TSBP1: variants seen among roughly 807,000 people sequenced by gnomAD.
TSBP1 encodes the protein testis-expressed basic protein 1.
Under a neutral mutation model 68.8 loss-of-function variants are expected in TSBP1, and 56 were observed. The observed-to-expected ratio is 0.81, with a 90% CI of 0.66 to 1.02. The LOEUF is 1.02. Among genes scored for constraint, TSBP1 ranks in the 50% least tolerant of loss-of-function variants. The pLI is 0.00. For synonymous variants in TSBP1, 171 were observed against 208.7 expected (o/e 0.82, Z 1.56); for missense variants, 502 against 641.2 (o/e 0.78, Z 2.34).
At chr6:32,305,293 T>C (rs1484297956) in intron 19 of TSBP1, among the ~76,000 whole-genome samples, 1 of 152,144 alleles carries the variant, frequency 6.6e-6, no homozygotes, top group Non-Finnish European at 1.5e-5. Flanking sequence ...AAGATAAGGG[T>C]AATCACTCCA....
At chr6:32,370,077 C>CA in intron 1 of TSBP1, 94 bp from the exon 2 acceptor site, 4 of 749,860 alleles carry the variant, frequency 5.3e-6, no homozygotes, top group Non-Finnish European at 9.5e-6. Context: ...ACCAGATAGA[C>CA]TTTTTTTCTT....
In TSBP1 at chr6:32,361,042, G is replaced by A. The variant is rs897118999; in HGVS notation, c.217+5125C>T. Among the ~76,000 whole-genome samples the A allele has an allele frequency of 2.0e-5, 3 of 151,720 alleles. No individual in the cohort carries two copies. Among genetic ancestry groups the A allele is most frequent in the Non-Finnish European group, 2.9e-5 (2 of 67,940 alleles). Reference sequence around the variant, plus strand: ...TATCCCTCCCTGCTTCCCCCACCCCGCAACAGGCCCCAGTGTGTGATGTTC... The same window carrying A: ...TATCCCTCCCTGCTTCCCCCACCCCACAACAGGCCCCAGTGTGTGATGTTC... On this transcript the variant is annotated intron_variant, in intron 6 of 22. Coordinates refer to ENST00000612031, the Ensembl canonical transcript of TSBP1. This position sits in a 1 kb window ranked among gnomAD's most constrained non-coding sequence, Gnocchi z 4.3.
chr6:32,336,664 T>A lies in TSBP1; in HGVS notation c.410-29A>T. 6.2e-7 allele frequency: 1 copy of A among 1,605,608 alleles called. No individual in the cohort carries two copies. The highest frequency in any genetic ancestry group is 1.1e-5 in the South Asian group (1 of 90,900). On this transcript the variant is annotated intron_variant, in intron 11 of 22. Coordinates refer to ENST00000612031, the Ensembl canonical transcript of TSBP1. The surrounding 1 kb of genome is among the most constrained non-coding windows in gnomAD (Gnocchi z 5.2). ...AAATACAAAAAGGAGGAAAGTGTGG[T>A]TTGACATTAATAGAATTTTCATTTT...
chr6:32,296,102 C>T lies in TSBP1; in HGVS notation c.638-2067G>A, dbSNP rs139612274. Among the ~76,000 whole-genome samples, 493 of 152,040 alleles carry T rather than the reference C, an allele frequency of 3.2e-3. 16 individuals carry two copies. In the East Asian group the frequency reaches 0.069, roughly 21 times the overall value. Reference sequence around the variant, plus strand: ...CAGGTGATCCACCTGCCTCGGCCTCCCAAAGTGCTGGGATTACAGGCGTGA... The same window carrying T: ...CAGGTGATCCACCTGCCTCGGCCTCTCAAAGTGCTGGGATTACAGGCGTGA... On this transcript the variant is annotated intron_variant, in intron 22 of 22. Coordinates refer to ENST00000612031, the Ensembl canonical transcript of TSBP1.
At chr6:32,299,296 C>T (rs557514073) in intron 22 of TSBP1, among the ~76,000 whole-genome samples, 11 of 152,306 alleles carry the variant, frequency 7.2e-5, no homozygotes, top group Non-Finnish European at 1.2e-4. Context: ...GTGCCTAGCA[C>T]AGTGCACAAA....
At chr6:32,364,960 C>T (rs1773496057) in intron 6 of TSBP1, among the ~76,000 whole-genome samples, 1 of 151,996 alleles carries the variant, frequency 6.6e-6, no homozygotes, top group Admixed American at 6.6e-5. Context: ...GTGGCATGAT[C>T]GTGGCTCACT....
chr6:32,347,697 A>G (rs1455944492), intron 9 of TSBP1, among the ~76,000 whole-genome samples: 1 of 152,140 alleles, frequency 6.6e-6, no homozygotes, highest in Non-Finnish European at 1.5e-5. Flanking sequence ...ATTGTTCTCC[A>G]TATTTTATTC....
Position 32,315,072 on chromosome 6 carries a change from A to C in TSBP1, c.580+700T>G, listed in dbSNP as rs1390283912. On this transcript the variant is annotated intron_variant, in intron 19 of 22. Transcript: ENST00000612031. This position sits in a 1 kb window ranked among gnomAD's most constrained non-coding sequence, Gnocchi z 5.4. Reference sequence around the variant, plus strand: ...ATGTGATTTAATTTCAGGATGAGGAATCTCAGCTGATATTGGGTTTGCTTA... The same window carrying C: ...ATGTGATTTAATTTCAGGATGAGGACTCTCAGCTGATATTGGGTTTGCTTA... Among the ~76,000 whole-genome samples, 1 of 152,204 alleles carries C rather than the reference A, an allele frequency of 6.6e-6. No homozygotes were observed. The highest frequency in any genetic ancestry group is 1.5e-5 in the Non-Finnish European group (1 of 68,034).
At chr6:32,300,078 G>A in intron 21 of TSBP1, 142 bp from the exon 25 acceptor site, 1 of 673,356 alleles carries the variant, frequency 1.5e-6, no homozygotes, top group Non-Finnish European at 2.7e-6. Flanking sequence ...CAGGAGTGTT[G>A]CTGGCCAATG....
At chr6:32,350,109 T>C in intron 8 of TSBP1, 1 of 584,948 alleles carries the variant, frequency 1.7e-6, no homozygotes, top group Non-Finnish European at 3.2e-6. Context: ...TCTTTCCTTC[T>C]CTACCTTTCC....
At chr6:32,293,245 A>C in exon 23 of TSBP1, 4 of 1,610,164 alleles carry the variant, frequency 2.5e-6, no homozygotes, top group South Asian at 1.1e-5. Flanking sequence ...CACCTGACTC[A>C]CTCTTCTTTA....
rs1474813815 is a variant in TSBP1, at chr6:32,315,832, A to C, written c.560-40T>G. The C allele has an allele frequency of 1.4e-5, 19 of 1,312,206 alleles. No homozygotes were observed. The highest frequency in any genetic ancestry group is 5.3e-6 in the Non-Finnish European group (5 of 949,602). The allele number at this position is 1,312,206 out of a possible 1,614,324, so 81.3% of individuals were successfully genotyped here. On this transcript the variant is annotated intron_variant, in intron 18 of 22. Transcript: ENST00000612031. This position sits in a 1 kb window ranked among gnomAD's most constrained non-coding sequence, Gnocchi z 5.4. Reference sequence around the variant, plus strand: ...AAAAGAAATCCATTTAATTTTTCTCAAATGGAGAAAACATAGCATTATCTA... The same window carrying C: ...AAAAGAAATCCATTTAATTTTTCTCCAATGGAGAAAACATAGCATTATCTA...
Position 32,315,922 on chromosome 6 carries a change from A to G in TSBP1, c.560-130T>C, listed in dbSNP as rs9268218. The stretch of plus-strand genomic sequence containing the variant: ...GGCAAAGAAGGAAGCATTCCAAACC[A>G]CCCTATAGATTAGTTTTAGATTAGT... On this transcript the variant is annotated intron_variant, in intron 18 of 22. Transcript: ENST00000612031. This position sits in a 1 kb window ranked among gnomAD's most constrained non-coding sequence, Gnocchi z 5.4. The G allele has an allele frequency of 0.21, 118,297 of 566,712 alleles. 13,464 individuals are homozygous for G. Among genetic ancestry groups the G allele is most frequent in the East Asian group, 0.22 (7,699 of 35,580 alleles). The allele number at this position is 566,712 out of a possible 1,614,324, so 35.1% of individuals were successfully genotyped here.
intron 19 of TSBP1, among the ~76,000 whole-genome samples, chr6:32,305,927 A>C (rs1765740252): frequency 6.6e-6 from 1 of 152,236 alleles, no homozygotes; most frequent in African/African-American, 2.4e-5. Flanking sequence ...GAACTGGCTC[A>C]CTTAATAAGA....
At chr6:32,367,251 GAGAGAGAGAGAGAA>G (rs1773851053) in intron 4 of TSBP1, among the ~76,000 whole-genome samples, 1 of 151,554 alleles carries the variant, frequency 6.6e-6, no homozygotes, top group Non-Finnish European at 1.5e-5. Flanking sequence ...GAAAGAGAGA[GAGAGAGAGAGAGAA>G]AGAGAGAGAG....
Position 32,299,943 on chromosome 6 carries a change from A to T in TSBP1, c.623-7T>A, listed in dbSNP as rs1582968234. 6.2e-7 allele frequency: 1 copy of T among 1,608,012 alleles called. No homozygotes were observed. Among genetic ancestry groups the T allele is most frequent in the Non-Finnish European group, 8.5e-7 (1 of 1,174,740 alleles). On this transcript the variant is annotated splice_polypyrimidine_tract_variant and splice_region_variant and intron_variant, in intron 21 of 22. Coordinates refer to ENST00000612031, the Ensembl canonical transcript of TSBP1. ...TTACCCACAGGAGTCAGTGCTAAAAACAAAACACAAAAGAAAGATCAGTGA... is the reference window on the plus strand; with the variant it reads ...TTACCCACAGGAGTCAGTGCTAAAATCAAAACACAAAAGAAAGATCAGTGA...
intron 22 of TSBP1, among the ~76,000 whole-genome samples, chr6:32,297,169 A>G (rs1214660316): frequency 6.6e-6 from 1 of 152,180 alleles, no homozygotes; most frequent in Non-Finnish European, 1.5e-5. Flanking sequence ...AGATTTCAAG[A>G]TAGTTCATAC....
exon 8 of TSBP1, chr6:32,355,141 G>A (rs1772145658): frequency 6.2e-7 from 1 of 1,611,852 alleles, no homozygotes; most frequent in Non-Finnish European, 8.5e-7. Flanking sequence ...GTTGGTTGAT[G>A]GTGCTAAAAT....
intron 6 of TSBP1, among the ~76,000 whole-genome samples, chr6:32,360,039 C>A (rs1381424703): frequency 2.0e-5 from 3 of 151,920 alleles, no homozygotes; most frequent in Non-Finnish European, 4.4e-5. Context: ...TTCTATTTTT[C>A]ATTTTGTGAT....
Sources: gnomAD v4.1 joint callset for allele counts (sites outside exome capture counted in the v4.1 genomes callset) on GRCh38, gnomAD v4.1.1 for gene constraint, Gnocchi (gnomAD v3.1) non-coding constraint, MANE v1.5 for transcripts, NCBI Gene and HGNC (gene_info 2026-07-23, HGNC 2026-07-21) for gene names.